RHOBTB3: variants seen among roughly 807,000 people sequenced by gnomAD.
RHOBTB3 encodes rho-related BTB domain-containing protein 3.
In RHOBTB3, 47 loss-of-function variants were observed where a neutral mutation model predicts 67.2. The observed-to-expected ratio is 0.70, with a 90% CI of 0.55 to 0.89. The LOEUF is 0.89. Among genes scored for constraint, RHOBTB3 ranks in the 40% least tolerant of loss-of-function variants. The probability of loss-of-function intolerance (pLI) is 0.00; values close to 1 mark genes in which losing one functional copy is unlikely to be tolerated. For synonymous variants in RHOBTB3, 273 were observed against 274.2 expected, an observed-to-expected ratio of 1.00 and a Z score of 0.04; for missense variants, 631 against 750.0, an observed-to-expected ratio of 0.84 and a Z score of 1.85.
intron 8 of RHOBTB3, among the ~76,000 whole-genome samples, chr5:95,775,956 TC>T (rs1745864822): frequency 6.6e-6 from 1 of 152,180 alleles, no homozygotes; most frequent in African/African-American, 2.4e-5. Context: ...ACAATTTTTT[TC>T]TATACACTTA....
rs1443436972 is a variant in RHOBTB3 at position 95,755,496 on chromosome 5, C to T, written c.783C>T (p.Pro261=). ...CQCVDVVFYN[P]NLKKVVEAHK... ...GTGTGGACGTGGTATTTTACAACCC[C>T]AATTTAAAGAAAGTTGTAGAGGCCC... Residue 261 remains proline, a synonymous_variant, in exon 6 of 12, where the codon CCC becomes CCT. Coordinates refer to ENST00000379982, the MANE Select transcript of RHOBTB3 (RefSeq NM_014899.4). 1.9e-6 allele frequency: 3 copies of T among 1,613,924 alleles called. No individual in the cohort carries two copies. Among genetic ancestry groups the T allele is most frequent in the African/African-American group, 1.3e-5 (1 of 74,882 alleles).
chr5:95,718,934 G>A (rs1754775448), intron 1 of RHOBTB3, among the ~76,000 whole-genome samples: 1 of 152,186 alleles, frequency 6.6e-6, no homozygotes, highest in East Asian at 1.9e-4. Flanking sequence ...GCTTGTCCAA[G>A]TTGTTGGATA....
At chr5:95,784,219 G>A (rs1326606989) in intron 10 of RHOBTB3, among the ~76,000 whole-genome samples, 2 of 152,158 alleles carry the variant, frequency 1.3e-5, no homozygotes, top group African/African-American at 4.8e-5. Flanking sequence ...GTGGCCCTTA[G>A]TAGAGTCATT....
At chr5:95,774,519 A>C (rs554894039) in intron 8 of RHOBTB3, among the ~76,000 whole-genome samples, 1 of 152,196 alleles carries the variant, frequency 6.6e-6, no homozygotes, top group East Asian at 1.9e-4. Context: ...CTTTATTTTC[A>C]TTATTAGAAA....
chr5:95,745,111 A>T (rs565864567), intron 3 of RHOBTB3, among the ~76,000 whole-genome samples: 67 of 152,128 alleles, frequency 4.4e-4, no homozygotes, highest in Middle Eastern at 6.8e-3. Flanking sequence ...TAAAAAAATT[A>T]AAAAAATGGA....
intron 10 of RHOBTB3, among the ~76,000 whole-genome samples, chr5:95,787,283 G>T (rs1375815869): frequency 6.6e-6 from 1 of 152,014 alleles, no homozygotes; most frequent in Non-Finnish European, 1.5e-5. Context: ...TTTCCCTTGA[G>T]ATTGCACACA....
At chr5:95,757,988 T>C (rs1037052752) in intron 6 of RHOBTB3, among the ~76,000 whole-genome samples, 1 of 152,232 alleles carries the variant, frequency 6.6e-6, no homozygotes, top group Admixed American at 6.5e-5. Context: ...TTTTTAATCA[T>C]ATGTTTAAGG....
intron 1 of RHOBTB3, among the ~76,000 whole-genome samples, chr5:95,724,043 T>C (rs1754976768): frequency 6.6e-6 from 1 of 152,232 alleles, no homozygotes; most frequent in African/African-American, 2.4e-5. Context: ...TTGATAACGA[T>C]ACATACATTA....
intron 6 of RHOBTB3, chr5:95,756,139 A>G (rs2112800848): frequency 6.0e-6 from 1 of 167,270 alleles, no homozygotes; most frequent in African/African-American, 2.4e-5. Flanking sequence ...GAAACTCTAT[A>G]CCCATTAAAC....
chr5:95,749,854 G>A (rs769787493), intron 4 of RHOBTB3, among the ~76,000 whole-genome samples: 1 of 152,118 alleles, frequency 6.6e-6, no homozygotes, highest in South Asian at 2.1e-4. Flanking sequence ...AAATTCCCAG[G>A]ATCATTCTTC....
chr5:95,722,216 A>G (rs941114908), intron 1 of RHOBTB3, among the ~76,000 whole-genome samples: 12 of 152,320 alleles, frequency 7.9e-5, no homozygotes, highest in African/African-American at 2.9e-4. Context: ...AAGGGAGTGC[A>G]GGAGATGGGG....
In RHOBTB3 at chr5:95,731,471, C is replaced by G. The variant is rs1364663485; in HGVS notation, c.-212C>G. On this transcript the variant is annotated 5_prime_UTR_variant, in exon 1 of 12. Transcript: ENST00000379982. ...ACTCCCTGAGTAGCGGCAGCTTATC[C>G]CCCGCCCGCTAGCCCGCCCTGGTCC... is the stretch of plus-strand genomic sequence containing the variant. 3.3e-6 allele frequency: 4 copies of G among 1,221,782 alleles called. No individual in the cohort carries two copies. The highest frequency in any genetic ancestry group is 4.1e-6 in the Non-Finnish European group (4 of 984,836). The allele number at this position is 1,221,782 out of a possible 1,614,324, so 75.7% of individuals were successfully genotyped here.
At chr5:95,784,514 C>CGTAT (rs945468954) in intron 10 of RHOBTB3, among the ~76,000 whole-genome samples, 5 of 152,074 alleles carry the variant, frequency 3.3e-5, no homozygotes, top group Non-Finnish European at 5.9e-5. Flanking sequence ...CAATCACTGC[C>CGTAT]GTATGTGTAC....
chr5:95,737,480 CA>C (rs1372329239), intron 3 of RHOBTB3, among the ~76,000 whole-genome samples: 2 of 152,158 alleles, frequency 1.3e-5, no homozygotes, highest in Non-Finnish European at 2.9e-5. Flanking sequence ...AGGTAGATAA[CA>C]ATGAGTGAGC....
rs76169770 is a variant in RHOBTB3, at chr5:95,759,096, T to A, written c.1048+3335T>A. Among the ~76,000 whole-genome samples, 12 of 152,342 alleles carry A rather than the reference T, an allele frequency of 7.9e-5. No homozygotes were observed. The East Asian group carries it at 2.3e-3, about 29-fold the overall frequency. ...TGGTTGGGTGGAAATTAAGTAAGCC[T>A]GGAATAGGGATCGGAGGGCAGGCAG... On this transcript the variant is annotated intron_variant, in intron 6 of 11. Transcript: ENST00000379982.
chr5:95,771,578 TAGAG>T (rs1580420195), intron 8 of RHOBTB3, among the ~76,000 whole-genome samples: 2 of 152,248 alleles, frequency 1.3e-5, no homozygotes, highest in Non-Finnish European at 2.9e-5. Context: ...TTCGTCATTT[TAGAG>T]AGACCTATAA....
rs772112825 is a variant in RHOBTB3 at position 95,731,934 on chromosome 5, C to T, written c.78C>T (p.Arg26=). ...HQDNRPSGLI[R]TYLGRSPLVS... The stretch of plus-strand genomic sequence containing the variant: ...ACAACCGGCCGTCGGGGCTTATCCG[C>T]ACTTACCTGGGGAGAAGCCCTCTGG... Residue 26 remains arginine, a synonymous_variant, in exon 2 of 12, where the codon CGC becomes CGT. Transcript: ENST00000379982. 1.4e-5 allele frequency: 23 copies of T among 1,614,026 alleles called. No homozygotes were observed. Among genetic ancestry groups the T allele is most frequent in the Middle Eastern group, 1.6e-4 (1 of 6,084 alleles).
chr5:95,758,838 T>C (rs1051803689), intron 6 of RHOBTB3, among the ~76,000 whole-genome samples: 3 of 152,210 alleles, frequency 2.0e-5, no homozygotes, highest in Admixed American at 6.5e-5. Context: ...GCTGGATCTC[T>C]GGACTGCCAG....
intron 2 of RHOBTB3, among the ~76,000 whole-genome samples, chr5:95,734,001 T>C (rs955456975): frequency 6.6e-6 from 1 of 152,224 alleles, no homozygotes; most frequent in Non-Finnish European, 1.5e-5. Context: ...TAAAATAATA[T>C]GCCTCCTAAA....
Sources: allele counts gnomAD v4.1 joint callset (sites outside exome capture counted in the v4.1 genomes callset), GRCh38; gene constraint gnomAD v4.1.1; transcripts MANE v1.5; gene names NCBI Gene and HGNC (gene_info 2026-07-23, HGNC 2026-07-21).